CSMD1: variants seen among roughly 807,000 people sequenced by gnomAD.
The protein encoded by CSMD1 is CUB and Sushi multiple domains 1, also known as CUB and sushi domain-containing protein 1.
Under a neutral mutation model 417.5 loss-of-function variants are expected in CSMD1, and 213 were observed. The observed-to-expected ratio is 0.51, with a 90% CI of 0.46 to 0.57. The LOEUF (loss-of-function observed/expected upper bound fraction) is 0.57, where lower values mean the gene tolerates loss of function less well. CSMD1 is among the 20% of genes least tolerant of loss of function. CSMD1 has a pLI of 0.00. For missense variants in CSMD1, 6,923 were observed against 4,529.7 expected, an observed-to-expected ratio of 1.53 and a Z score of -15.17; for synonymous variants, 2,862 against 1,736.8, an observed-to-expected ratio of 1.65 and a Z score of -16.11.
At chr8:4,749,025 G>A (rs1432814570) in intron 1 of CSMD1, among the ~76,000 whole-genome samples, 1 of 151,586 alleles carries the variant, frequency 6.6e-6, no homozygotes, top group African/African-American at 2.4e-5. Context: ...GACCAGTTCT[G>A]ACCCAAAACT....
intron 2 of CSMD1, among the ~76,000 whole-genome samples, chr8:4,599,874 T>C (rs961840862): frequency 6.6e-6 from 1 of 152,202 alleles, no homozygotes; most frequent in Non-Finnish European, 1.5e-5. Flanking sequence ...TAAAGTTACA[T>C]TCAAAGAGTT....
chr8:3,290,409 A>AG lies in CSMD1; in HGVS notation c.3951-6064_3951-6063insC, dbSNP rs1471202497. Among the ~76,000 whole-genome samples the AG allele has an allele frequency of 5.5e-5, 8 of 146,656 alleles. 1 individual carries two copies. Among genetic ancestry groups the AG allele is most frequent in the African/African-American group, 2.2e-4 (8 of 36,698 alleles). ...GGGGATGGCATTGAATCTATAAGTT[A>AG]CCTTGGGCGGTATGGCCATTTTCAC... is the stretch of plus-strand genomic sequence containing the variant. On this transcript the variant is annotated intron_variant, in intron 25 of 69. Transcript: ENST00000635120.
chr8:3,815,805 C>G (rs889196159), intron 5 of CSMD1, among the ~76,000 whole-genome samples: 2 of 151,966 alleles, frequency 1.3e-5, no homozygotes, highest in Admixed American at 6.6e-5. Flanking sequence ...GTGAACGGGC[C>G]TAGAAAGTCT....
At chr8:4,160,456 T>G (rs1797087815) in intron 3 of CSMD1, among the ~76,000 whole-genome samples, 1 of 152,226 alleles carries the variant, frequency 6.6e-6, no homozygotes, top group African/African-American at 2.4e-5. Flanking sequence ...TTCAATAAAG[T>G]AAGTGTTGGT....
intron 3 of CSMD1, among the ~76,000 whole-genome samples, chr8:4,189,033 A>C (rs1212353880): frequency 6.6e-6 from 1 of 152,190 alleles, no homozygotes; most frequent in African/African-American, 2.4e-5. Context: ...AAAGCCACTG[A>C]AAGCCCAGGT....
intron 50 of CSMD1, among the ~76,000 whole-genome samples, chr8:3,046,252 G>T (rs769203570): frequency 2.8e-4 from 43 of 152,140 alleles, no homozygotes; most frequent in Non-Finnish European, 4.9e-4. Context: ...TGACCTGGGT[G>T]GTGCAGAAGT....
At chr8:3,751,204 G>A (rs959405481) in intron 6 of CSMD1, among the ~76,000 whole-genome samples, 1 of 151,768 alleles carries the variant, frequency 6.6e-6, no homozygotes, top group Non-Finnish European at 1.5e-5. Context: ...TTACTGTTAA[G>A]CCAGGCTTAC....
chr8:4,985,848 T>C (rs748425649), intron 1 of CSMD1, among the ~76,000 whole-genome samples: 1 of 152,298 alleles, frequency 6.6e-6, no homozygotes, highest in South Asian at 2.1e-4. Context: ...GGTCTTATGT[T>C]GTCCACAGGA....
chr8:4,413,664 C>T (rs967492499), intron 3 of CSMD1, among the ~76,000 whole-genome samples: 17 of 152,106 alleles, frequency 1.1e-4, no homozygotes, highest in East Asian at 9.7e-4. Flanking sequence ...AATGGTGTAC[C>T]GCGGATCCCA....
intron 1 of CSMD1, among the ~76,000 whole-genome samples, chr8:4,714,080 G>T (rs1033607932): frequency 6.6e-6 from 1 of 152,068 alleles, no homozygotes; most frequent in Non-Finnish European, 1.5e-5. Flanking sequence ...GGGAGACAGA[G>T]GTTGCAGTGA....
At chr8:4,727,460 G>T (rs888263087) in intron 1 of CSMD1, among the ~76,000 whole-genome samples, 1 of 152,122 alleles carries the variant, frequency 6.6e-6, no homozygotes, top group Non-Finnish European at 1.5e-5. Flanking sequence ...CTAAAAGACT[G>T]GGGAAAACAA....
chr8:4,564,295 G>C (rs1798486780), intron 2 of CSMD1, among the ~76,000 whole-genome samples: 1 of 152,144 alleles, frequency 6.6e-6, no homozygotes, highest in Non-Finnish European at 1.5e-5. Flanking sequence ...ATTTTAATTA[G>C]CATACAAGCA....
chr8:4,032,801 CA>C (rs1797415817), intron 3 of CSMD1, among the ~76,000 whole-genome samples: 1 of 152,084 alleles, frequency 6.6e-6, no homozygotes, highest in South Asian at 2.1e-4. Context: ...TAATAAAATT[CA>C]AAGGCCGTCA....
chr8:4,817,268 A>G (rs1217958056), intron 1 of CSMD1, among the ~76,000 whole-genome samples: 1 of 152,228 alleles, frequency 6.6e-6, no homozygotes, highest in African/African-American at 2.4e-5. Context: ...TCCCACTAAT[A>G]TGTGTGCCAG....
At chr8:3,444,933 G>A (rs563033736) in intron 12 of CSMD1, among the ~76,000 whole-genome samples, 45 of 152,212 alleles carry the variant, frequency 3.0e-4, no homozygotes, top group Middle Eastern at 3.4e-3. Context: ...CCCGTCTCCT[G>A]ATGGGAGAAA....
At chr8:3,834,000 G>C (rs1170675526) in intron 5 of CSMD1, among the ~76,000 whole-genome samples, 1 of 151,978 alleles carries the variant, frequency 6.6e-6, no homozygotes, top group Non-Finnish European at 1.5e-5. Context: ...CACTTTTCAG[G>C]TGAATTAAGG....
intron 5 of CSMD1, among the ~76,000 whole-genome samples, chr8:3,755,131 T>G (rs1797584012): frequency 6.6e-6 from 1 of 152,212 alleles, no homozygotes; most frequent in African/African-American, 2.4e-5. Flanking sequence ...TCCAAGATAT[T>G]AAAGCTCCTG....
intron 3 of CSMD1, among the ~76,000 whole-genome samples, chr8:4,108,777 A>G (rs1406205846): frequency 2.0e-5 from 3 of 152,242 alleles, no homozygotes; most frequent in Non-Finnish European, 4.4e-5. Context: ...AAGATCTGAA[A>G]TATCTTGATT....
In CSMD1 at chr8:4,307,426, T is replaced by C. The variant is rs138931401; in HGVS notation, c.415+112527A>G. ...ACCACAATTCTCGTATCACACCAAG[T>C]TGAGATGCTATCATCAACTTCTGAA... is the stretch of plus-strand genomic sequence containing the variant. On this transcript the variant is annotated intron_variant, in intron 3 of 69. Coordinates refer to ENST00000635120, the MANE Select transcript of CSMD1 (RefSeq NM_033225.6). Among the ~76,000 whole-genome samples, 408 of 152,260 alleles carry C rather than the reference T, an allele frequency of 2.7e-3. 3 individuals are homozygous for C. The highest frequency in any genetic ancestry group is 9.3e-3 in the African/African-American group (387 of 41,560).
Sources: gnomAD v4.1 joint callset for allele counts (sites outside exome capture counted in the v4.1 genomes callset) on GRCh38, gnomAD v4.1.1 for gene constraint, MANE v1.5 for transcripts, NCBI Gene and HGNC (gene_info 2026-07-23, HGNC 2026-07-21) for gene names.